OTOGL: variants seen among roughly 807,000 people sequenced by gnomAD.
The protein encoded by OTOGL is otogelin-like protein.
In OTOGL, 285 loss-of-function variants were observed where a neutral mutation model predicts 318.5. The observed-to-expected ratio is 0.89, with a 90% CI of 0.81 to 0.99. OTOGL has a LOEUF of 0.99. Among genes scored for constraint, OTOGL ranks in the 50% least tolerant of loss-of-function variants. OTOGL has a pLI of 0.00. For missense variants in OTOGL, 2,899 were observed against 2,845.6 expected, an observed-to-expected ratio of 1.02 and a Z score of -0.43; for synonymous variants, 987 against 936.5, an observed-to-expected ratio of 1.05 and a Z score of -0.99.
intron 46 of OTOGL, among the ~76,000 whole-genome samples, chr12:80,354,544 A>G (rs1889755164): frequency 6.6e-6 from 1 of 152,182 alleles, no homozygotes; most frequent in Non-Finnish European, 1.5e-5. Flanking sequence ...CAAAATTGAG[A>G]TGATTGCAAC....
Position 80,368,222 on chromosome 12 carries a change from A to C in OTOGL, c.6528A>C (p.Pro2176=). The C allele has an allele frequency of 6.2e-7, 1 of 1,600,080 alleles. No individual in the cohort carries two copies. The highest frequency in any genetic ancestry group is 1.7e-5 in the Admixed American group (1 of 58,592). The change falls in exon 55 of 59, where the codon CCA becomes CCC. Residue 2176 remains proline (P), a synonymous_variant. Transcript: ENST00000547103. ...ATATGCAGCACCAGGTATATACTCC[A>C]TCCCCAAGTGATTATGGTTGTTGTG... ...KKCDVHQVYT[P]SPSDYGCCGT...
intron 43 of OTOGL, among the ~76,000 whole-genome samples, 185 bp from the exon 44 acceptor site, chr12:80,341,761 CTA>C (rs1208517684): frequency 6.6e-6 from 1 of 152,144 alleles, no homozygotes; most frequent in Non-Finnish European, 1.5e-5. Flanking sequence ...TAGTTCTACA[CTA>C]TTTTATCAAA....
In OTOGL at chr12:80,238,924, A is replaced by C; in HGVS notation, c.891A>C (p.Val297=). ...SVQTPDDTKC[V]LTPSDFPNPC... Reference sequence around the variant, plus strand: ...AAACTCCAGATGACACCAAATGTGTACTCACACCCTCAGATTTTCCAAATC... The same window carrying C: ...AAACTCCAGATGACACCAAATGTGTCCTCACACCCTCAGATTTTCCAAATC... Residue 297 remains valine (V), a synonymous_variant, in exon 10 of 59, where the codon GTA becomes GTC. Coordinates refer to ENST00000547103, the MANE Select transcript of OTOGL (RefSeq NM_001378609.3). 1 of 1,596,152 alleles carries C rather than the reference A, an allele frequency of 6.3e-7. No individual in the cohort carries two copies. The highest frequency in any genetic ancestry group is 8.5e-7 in the Non-Finnish European group (1 of 1,178,318).
intron 1 of OTOGL, among the ~76,000 whole-genome samples, chr12:80,198,115 A>G (rs1242320415): frequency 6.6e-6 from 1 of 152,198 alleles, no homozygotes; most frequent in Non-Finnish European, 1.5e-5. Context: ...AGAGAAGGAC[A>G]TATTGATATA....
chr12:80,103,074 C>T (rs1869235172), intron 1 of OTOGL: 6 of 1,152,508 alleles, frequency 5.2e-6, no homozygotes, highest in Admixed American at 3.4e-5. Context: ...AGCCTTTTCC[C>T]GCTGCACCCA....
chr12:80,100,562 T>G (rs1381455906), intron 1 of OTOGL, among the ~76,000 whole-genome samples: 2 of 152,176 alleles, frequency 1.3e-5, no homozygotes, highest in Non-Finnish European at 1.5e-5. Flanking sequence ...GATTTCAACT[T>G]TATAAAACAC....
intron 1 of OTOGL, among the ~76,000 whole-genome samples, chr12:80,147,177 C>G (rs1202061399): frequency 6.6e-6 from 1 of 151,674 alleles, no homozygotes; most frequent in Non-Finnish European, 1.5e-5. Context: ...TTCCTGCTTT[C>G]TCCTGTGGGC....
At chr12:80,352,821 C>A (rs1889635828) in intron 45 of OTOGL, among the ~76,000 whole-genome samples, 1 of 152,214 alleles carries the variant, frequency 6.6e-6, no homozygotes, top group South Asian at 2.1e-4. Context: ...TTTTTACATT[C>A]ATTGACAATC....
intron 1 of OTOGL, among the ~76,000 whole-genome samples, chr12:80,139,498 C>G (rs989508178): frequency 6.6e-6 from 1 of 152,096 alleles, no homozygotes; most frequent in Admixed American, 6.6e-5. Flanking sequence ...TGCCACTTCC[C>G]TCCTTAAATA....
At position 80,232,926 on chromosome 12, in the gene OTOGL, A is replaced by G; in HGVS notation, c.646A>G (p.Ile216Val). Reference protein sequence around the residue: ...TLPQTIGQIFIEKLADYILVK... With the variant: ...TLPQTIGQIFVEKLADYILVK... ...GCCTCAGACAATTGGACAGATTTTCATTGAGAAACTAGCTGACTACATTCT... is the reference window on the plus strand; with the variant it reads ...GCCTCAGACAATTGGACAGATTTTCGTTGAGAAACTAGCTGACTACATTCT... The change falls in exon 9 of 59, where the codon ATT becomes GTT. Residue 216 changes from isoleucine (I) to valine (V), a missense_variant. Around this residue, in one of 3 missense-constraint regions of OTOGL, gnomAD observed 2,607 missense variants for 2,524.9 expected, o/e 1.03. Transcript: ENST00000547103. 6.3e-7 allele frequency: 1 copy of G among 1,599,122 alleles called. No individual in the cohort carries two copies. Among genetic ancestry groups the G allele is most frequent in the Middle Eastern group, 1.7e-4 (1 of 6,058 alleles).
Position 80,296,894 on chromosome 12 carries a change from G to T in OTOGL, c.2996G>T (p.Cys999Phe), listed in dbSNP as rs1034335290. 1 of 1,536,958 alleles carries T rather than the reference G, an allele frequency of 6.5e-7. No homozygotes were observed. Among genetic ancestry groups the T allele is most frequent in the Non-Finnish European group, 8.7e-7 (1 of 1,143,258 alleles). The part of the protein sequence containing the change: ...NKKCFDNDIV[C>F]SKSVLISVGD... ...AAATGCTTTGACAACGATATTGTTTGTTCTAAAAGTGTTTTGATTTCAGTT... is the reference window on the plus strand; with the variant it reads ...AAATGCTTTGACAACGATATTGTTTTTTCTAAAAGTGTTTTGATTTCAGTT... Residue 999 changes from cysteine (C) to phenylalanine (F), a missense_variant, in exon 27 of 59, where the codon TGT becomes TTT. Cys to Phe is a radical substitution (Grantham distance 205). Coordinates refer to ENST00000547103, the MANE Select transcript of OTOGL (RefSeq NM_001378609.3).
At chr12:80,162,906 T>A (rs966942363) in intron 1 of OTOGL, among the ~76,000 whole-genome samples, 1 of 151,962 alleles carries the variant, frequency 6.6e-6, no homozygotes, top group Non-Finnish European at 1.5e-5. Flanking sequence ...CTGCTGAGAA[T>A]GTGGGATGGA....
intron 29 of OTOGL, among the ~76,000 whole-genome samples, chr12:80,307,814 G>T (rs1417173967): frequency 7.2e-6 from 1 of 138,168 alleles, no homozygotes; most frequent in Non-Finnish European, 1.5e-5. Context: ...AGTAGGGGCG[G>T]CCGGGCAGAG....
intron 9 of OTOGL, among the ~76,000 whole-genome samples, chr12:80,235,395 G>A (rs1167991766): frequency 1.3e-5 from 2 of 149,610 alleles, no homozygotes; most frequent in Non-Finnish European, 3.0e-5. Flanking sequence ...AACATGGGAG[G>A]TGGAGGCTGC....
chr12:80,211,483 T>G (rs1877251456), intron 3 of OTOGL, among the ~76,000 whole-genome samples: 1 of 152,142 alleles, frequency 6.6e-6, no homozygotes, highest in Non-Finnish European at 1.5e-5. Context: ...AGCCATTTGA[T>G]TTTGATAAAT....
At chr12:80,189,069 A>C (rs1875499173) in intron 1 of OTOGL, among the ~76,000 whole-genome samples, 1 of 152,168 alleles carries the variant, frequency 6.6e-6, no homozygotes, top group South Asian at 2.1e-4. Flanking sequence ...ATAGGGAGAA[A>C]GTCTACTCCA....
At chr12:80,339,337 G>A in intron 43 of OTOGL, 73 bp downstream of exon 43, 1 of 1,190,020 alleles carries the variant, frequency 8.4e-7, no homozygotes, top group East Asian at 2.7e-5. Context: ...TTCACGCTAT[G>A]CCATTTTGGA....
chr12:80,219,610 C>T (rs541735580), intron 5 of OTOGL, among the ~76,000 whole-genome samples: 1 of 152,284 alleles, frequency 6.6e-6, no homozygotes, highest in Admixed American at 6.5e-5. Flanking sequence ...TGAAAGCCTG[C>T]CTTTCTTGCT....
intron 1 of OTOGL, among the ~76,000 whole-genome samples, chr12:80,111,679 C>A (rs569125543): frequency 7.2e-5 from 11 of 152,080 alleles, no homozygotes; most frequent in Non-Finnish European, 1.5e-4. Flanking sequence ...AGTCAGGTAG[C>A]GTGATGCCTC....
Sources: allele counts gnomAD v4.1 joint callset (sites outside exome capture counted in the v4.1 genomes callset), GRCh38; gene constraint gnomAD v4.1.1; regional missense constraint gnomAD v4.1.1; transcripts MANE v1.5; gene names NCBI Gene and HGNC (gene_info 2026-07-23, HGNC 2026-07-21).